Variants in TBC1D2B observed in about 807,000 individuals in gnomAD.
The protein encoded by TBC1D2B is TBC1 domain family member 2B.
In TBC1D2B, 64 loss-of-function variants were observed where a neutral mutation model predicts 100.8. The ratio of observed to expected loss-of-function variants is 0.64; its 90% CI spans 0.52 to 0.78. TBC1D2B has a LOEUF of 0.78. Among genes scored for constraint, TBC1D2B ranks in the 30% least tolerant of loss-of-function variants. The pLI is 0.00. For missense variants in TBC1D2B, 1,052 were observed against 1,218.4 expected (o/e 0.86, Z 2.03); for synonymous variants, 480 against 479.7 (o/e 1.00, Z -0.01).
intron 10 of TBC1D2B, 59 bp downstream of exon 10, chr15:78,008,938 G>A: frequency 2.4e-6 from 3 of 1,236,984 alleles, no homozygotes; most frequent in Non-Finnish European, 2.3e-6. Flanking sequence ...TTTAATTCAG[G>A]TCACATTTCA....
At chr15:78,050,966 G>T (rs2073301110) in intron 2 of TBC1D2B, among the ~76,000 whole-genome samples, 1 of 152,236 alleles carries the variant, frequency 6.6e-6, no homozygotes, top group African/African-American at 2.4e-5. Context: ...CCATATGACA[G>T]TTCCAGCCAA....
At chr15:78,011,277 T>G (rs1028512190) in intron 9 of TBC1D2B, among the ~76,000 whole-genome samples, 1 of 152,048 alleles carries the variant, frequency 6.6e-6, no homozygotes, top group Non-Finnish European at 1.5e-5. Context: ...AATCCTTTCT[T>G]CCTGCAGTAC....
At chr15:78,076,807 G>A (rs1054361654) in intron 1 of TBC1D2B, among the ~76,000 whole-genome samples, 5 of 152,222 alleles carry the variant, frequency 3.3e-5, no homozygotes, top group African/African-American at 1.2e-4. Flanking sequence ...GCAGTTTAAA[G>A]TATAATTCAT....
intron 2 of TBC1D2B, among the ~76,000 whole-genome samples, chr15:78,050,156 A>G (rs951976560): frequency 6.6e-6 from 1 of 151,964 alleles, no homozygotes; most frequent in Non-Finnish European, 1.5e-5. Flanking sequence ...CTGCACCGAG[A>G]GCACTGCTCA....
At chr15:78,038,187 G>A (rs1362820730) in intron 3 of TBC1D2B, among the ~76,000 whole-genome samples, 1 of 152,234 alleles carries the variant, frequency 6.6e-6, no homozygotes, top group Non-Finnish European at 1.5e-5. Context: ...GAGCCAGGCA[G>A]TGTGAGGTGC....
At chr15:78,014,674 C>T (rs937906718) in intron 8 of TBC1D2B, among the ~76,000 whole-genome samples, 1 of 152,154 alleles carries the variant, frequency 6.6e-6, no homozygotes, top group Admixed American at 6.5e-5. Context: ...TGCTTGAGCC[C>T]ACCAGGAGGT....
chr15:78,071,566 C>G (rs1174544026), intron 1 of TBC1D2B, among the ~76,000 whole-genome samples: 1 of 152,168 alleles, frequency 6.6e-6, no homozygotes, highest in Non-Finnish European at 1.5e-5. Context: ...GCTCTCTCCT[C>G]TGGGGAAGGG....
chr15:78,045,167 A>G lies in TBC1D2B; in HGVS notation c.515-99T>C, dbSNP rs1254221835. The G allele has an allele frequency of 1.3e-5, 14 of 1,074,364 alleles. No homozygotes were observed. In the African/African-American group the frequency reaches 1.9e-4, roughly 15 times the overall value. 66.6% of individuals were successfully genotyped at this position (1,074,364 alleles called of 1,614,324 possible). ...GACTTGACATACTATATAAAAATCT[A>G]AACTATGTAATAGTATATTTTTAAT... On this transcript the variant is annotated intron_variant, in intron 2 of 12. Coordinates refer to ENST00000300584, the MANE Select transcript of TBC1D2B (RefSeq NM_144572.2).
In TBC1D2B at chr15:78,024,247, C is replaced by G. The variant is rs137870308; in HGVS notation, c.1379G>C (p.Gly460Ala). ...GGTGGGAGGAGGCCCGTTGCCCTCG[C>G]CCTCGCTGAGCTTGATGATGACCTC... ...KDEVIIKLSE[G>A]EGNGPPPTVA... The change falls in exon 6 of 13, where the codon GGC becomes GCC. Residue 460 changes from glycine to alanine, a missense_variant. Around this residue, in one of 4 missense-constraint regions of TBC1D2B, gnomAD observed 627 missense variants for 646.1 expected, o/e 0.97. Coordinates refer to ENST00000300584, the MANE Select transcript of TBC1D2B (RefSeq NM_144572.2). 2.0e-5 allele frequency: 32 copies of G among 1,613,972 alleles called. No individual in the cohort carries two copies. The East Asian group carries it at 6.5e-4, about 33-fold the overall frequency.
chr15:78,039,520 C>G (rs2589364), intron 3 of TBC1D2B, among the ~76,000 whole-genome samples: 1 of 152,124 alleles, frequency 6.6e-6, no homozygotes, highest in Non-Finnish European at 1.5e-5. Context: ...TCCCGGCTAG[C>G]TCAGCCCTTA....
At chr15:78,052,145 T>C (rs147690120) in intron 2 of TBC1D2B, among the ~76,000 whole-genome samples, 2 of 152,278 alleles carry the variant, frequency 1.3e-5, no homozygotes, top group East Asian at 3.9e-4. Flanking sequence ...TTCCAGCCAG[T>C]AGCCATCCTG....
chr15:77,998,467 C>T (rs2071823616), intron 12 of TBC1D2B, 112 bp from the exon 13 acceptor site: 2 of 1,027,090 alleles, frequency 1.9e-6, no homozygotes, highest in African/African-American at 3.3e-5. Context: ...AGAGCGCTGG[C>T]CAGGCTTGGG....
At chr15:78,034,634 C>T (rs932689719) in intron 3 of TBC1D2B, 6 of 985,000 alleles carry the variant, frequency 6.1e-6, no homozygotes, top group African/African-American at 1.7e-5. Context: ...CCTCCCACCG[C>T]GGTTTTGGGT....
chr15:78,011,325 G>A (rs2072216966), intron 9 of TBC1D2B, among the ~76,000 whole-genome samples: 2 of 152,126 alleles, frequency 1.3e-5, no homozygotes, highest in Admixed American at 6.5e-5. Flanking sequence ...CTTACCTGGA[G>A]GTCAATACCT....
Position 78,013,036 on chromosome 15 carries a change from T to C in TBC1D2B, c.2057A>G (p.Asn686Ser), listed in dbSNP as rs749781151. The C allele has an allele frequency of 1.4e-4, 229 of 1,613,802 alleles. 2 individuals carry two copies. The East Asian group carries it at 5.0e-3, about 35-fold the overall frequency. The stretch of plus-strand genomic sequence containing the variant: ...GGTCTGGAAGTGGCCAGGCTCAGTG[T>C]TGTCCTTGAACTTCCTGGTGTGACG... Reference protein sequence around the residue: ...VDRHTRKFKDNTEPGHFQTLL... With the variant: ...VDRHTRKFKDSTEPGHFQTLL... The change falls in exon 9 of 13, where the codon AAC becomes AGC. Residue 686 changes from asparagine (N) to serine (S), a missense_variant. Coordinates refer to ENST00000300584, the MANE Select transcript of TBC1D2B (RefSeq NM_144572.2).
At chr15:78,074,215 G>T (rs1391535489) in intron 1 of TBC1D2B, among the ~76,000 whole-genome samples, 1 of 151,778 alleles carries the variant, frequency 6.6e-6, no homozygotes, top group Non-Finnish European at 1.5e-5. Context: ...TAGAGATGGG[G>T]TTTCACCATA....
intron 1 of TBC1D2B, among the ~76,000 whole-genome samples, chr15:78,057,470 C>T (rs992091352): frequency 1.1e-4 from 16 of 152,070 alleles, no homozygotes; most frequent in Non-Finnish European, 1.9e-4. Flanking sequence ...GGTGAAACCC[C>T]GTCTCTACTA....
At position 78,013,320 on chromosome 15, in the gene TBC1D2B, G is replaced by C; in HGVS notation, c.1776-3C>G. The C allele has an allele frequency of 6.3e-7, 1 of 1,577,894 alleles. No individual in the cohort carries two copies. Among genetic ancestry groups the C allele is most frequent in the Non-Finnish European group, 8.6e-7 (1 of 1,161,576 alleles). On this transcript the variant is annotated splice_region_variant and splice_polypyrimidine_tract_variant and intron_variant, in intron 8 of 12. Coordinates refer to ENST00000300584, the MANE Select transcript of TBC1D2B (RefSeq NM_144572.2). ...TGAACCCATAAATATCATATTCACT[G>C]TTGATAAAAACAAAAGGAAAAATTA...
chr15:78,001,835 G>A (rs2071923353), intron 11 of TBC1D2B, 95 bp from the exon 12 acceptor site: 1 of 1,406,842 alleles, frequency 7.1e-7, no homozygotes, highest in African/African-American at 1.4e-5. Context: ...ACTGGGGACA[G>A]GGGGACATGG....
Sources: gnomAD v4.1 joint callset for allele counts (sites outside exome capture counted in the v4.1 genomes callset) on GRCh38, gnomAD v4.1.1 for gene constraint, gnomAD v4.1.1 regional missense constraint, MANE v1.5 for transcripts, NCBI Gene and HGNC (gene_info 2026-07-23, HGNC 2026-07-21) for gene names.